Variants in SEPTIN11 observed in about 807,000 individuals in gnomAD.
SEPTIN11 encodes septin 11, also known as septin-11.
SEPTIN11 carries 25 observed loss-of-function variants against 51.4 expected under a neutral mutation model. The observed-to-expected ratio is 0.49, with a 90% CI of 0.35 to 0.68. The LOEUF (loss-of-function observed/expected upper bound fraction) is 0.68, where lower values mean the gene tolerates loss of function less well. Among genes scored for constraint, SEPTIN11 ranks in the 30% least tolerant of loss-of-function variants. The pLI is 0.00. For missense variants in SEPTIN11, 381 were observed against 520.8 expected, an observed-to-expected ratio of 0.73 and a Z score of 2.61; for synonymous variants, 174 against 184.1, an observed-to-expected ratio of 0.95 and a Z score of 0.44.
intron 1 of SEPTIN11, among the ~76,000 whole-genome samples, chr4:76,985,940 C>T (rs987798667): frequency 1.3e-5 from 2 of 152,240 alleles, no homozygotes; most frequent in East Asian, 1.9e-4. Context: ...GGGATGGAAA[C>T]CAGCTGGTAG....
chr4:77,000,337 C>T (rs113069927), intron 2 of SEPTIN11, among the ~76,000 whole-genome samples: 96 of 152,220 alleles, frequency 6.3e-4, no homozygotes, highest in African/African-American at 1.8e-3. Context: ...ATTTTTATCC[C>T]GTCTTGTTTT....
At position 77,028,628 on chromosome 4, in the gene SEPTIN11, G is replaced by T. The variant is rs1282401008; in HGVS notation, c.954-1G>T. The T allele has an allele frequency of 6.3e-7, 1 of 1,597,186 alleles. No homozygotes were observed. The highest frequency in any genetic ancestry group is 8.5e-7 in the Non-Finnish European group (1 of 1,174,062). ...GTCCTTCGTTTGTGGATTTTCAATA[G>T]TCTTCAGGAGACATATGAAGCAAAA... On this transcript the variant is annotated splice_acceptor_variant, in intron 7 of 9. Coordinates refer to ENST00000264893, the MANE Select transcript of SEPTIN11 (RefSeq NM_018243.4). LOFTEE classifies it high-confidence loss of function.
At chr4:77,034,023 T>C (rs896918991) in intron 9 of SEPTIN11, among the ~76,000 whole-genome samples, 1 of 152,252 alleles carries the variant, frequency 6.6e-6, no homozygotes, top group African/African-American at 2.4e-5. Context: ...ATTCACTATG[T>C]AATTTCAATC....
chr4:77,011,482 C>T (rs979015696), intron 3 of SEPTIN11, among the ~76,000 whole-genome samples: 5 of 141,278 alleles, frequency 3.5e-5, no homozygotes, highest in Admixed American at 1.6e-4. Context: ...GAGGGGCCAG[C>T]GTGAGCAAAG....
chr4:77,039,136 A>T, downstream of SEPTIN11: 1 of 1,288,282 alleles, frequency 7.8e-7, no homozygotes, highest in Non-Finnish European at 1.0e-6. Flanking sequence ...ATAGAGCATT[A>T]GAAGAGCAGG....
At chr4:76,956,204 C>T (rs930929309) in intron 1 of SEPTIN11, among the ~76,000 whole-genome samples, 11 of 152,138 alleles carry the variant, frequency 7.2e-5, no homozygotes, top group Non-Finnish European at 7.3e-5. Context: ...CTTCTGTGCA[C>T]GGGAAGCTTG....
intron 1 of SEPTIN11, among the ~76,000 whole-genome samples, chr4:76,990,902 G>A (rs1372867532): frequency 2.0e-5 from 3 of 152,212 alleles, no homozygotes; most frequent in African/African-American, 7.2e-5. Context: ...TGCTGATTCT[G>A]CAAACAGGAA....
At chr4:77,012,591 TA>T (rs1158473966) in intron 4 of SEPTIN11, among the ~76,000 whole-genome samples, 1 of 152,240 alleles carries the variant, frequency 6.6e-6, no homozygotes, top group Non-Finnish European at 1.5e-5. Flanking sequence ...TATTTACCGT[TA>T]GATTCAAAAC....
intron 4 of SEPTIN11, among the ~76,000 whole-genome samples, chr4:77,013,575 G>A (rs1176814867): frequency 6.6e-6 from 1 of 152,154 alleles, no homozygotes; most frequent in Admixed American, 6.5e-5. Context: ...TGTTCCTCTG[G>A]TCCTGATCCA....
chr4:76,984,363 C>T lies in SEPTIN11; in HGVS notation c.28-12062C>T, dbSNP rs1722918005. Reference sequence around the variant, plus strand: ...CTCACAGAGACTGCCATCACATGGCCATTACTGTAACTGAAAATCCCCTGC... The same window carrying T: ...CTCACAGAGACTGCCATCACATGGCTATTACTGTAACTGAAAATCCCCTGC... On this transcript the variant is annotated intron_variant, in intron 1 of 9. Transcript: ENST00000264893. This position sits in a 1 kb window ranked among gnomAD's most constrained non-coding sequence, Gnocchi z 4.1. Among the ~76,000 whole-genome samples, 1 of 151,826 alleles carries T rather than the reference C, an allele frequency of 6.6e-6. No homozygotes were observed. Among genetic ancestry groups the T allele is most frequent in the African/African-American group, 2.4e-5 (1 of 41,300 alleles).
chr4:77,016,602 A>ATC (rs1725259876), intron 5 of SEPTIN11, among the ~76,000 whole-genome samples: 2 of 54,910 alleles, frequency 3.6e-5, no homozygotes, highest in Non-Finnish European at 6.7e-5. Flanking sequence ...ACACACACAT[A>ATC]TATATATATA....
chr4:77,003,398 G>A (rs1455191634), intron 2 of SEPTIN11, among the ~76,000 whole-genome samples: 1 of 152,170 alleles, frequency 6.6e-6, no homozygotes, highest in East Asian at 1.9e-4. Context: ...GAGTCTGACT[G>A]GTATTATTCA....
At chr4:76,972,133 C>G (rs576629596) in intron 1 of SEPTIN11, among the ~76,000 whole-genome samples, 54 of 152,296 alleles carry the variant, frequency 3.5e-4, no homozygotes, top group African/African-American at 1.2e-3. Flanking sequence ...CCACTACCTG[C>G]CCCCCTACTG....
chr4:77,037,353 C>T lies in SEPTIN11; in HGVS notation c.*2841C>T. ...TTCCAACCTGGGTGATGAAGTGAGA[C>T]TCTCCAAAAAAAAAAAAGAAATTAT... On this transcript the variant is annotated 3_prime_UTR_variant, in exon 10 of 10. Transcript: ENST00000264893. 2.1e-6 allele frequency: 2 copies of T among 973,568 alleles called. No individual in the cohort carries two copies. Among genetic ancestry groups the T allele is most frequent in the Non-Finnish European group, 2.4e-6 (2 of 820,404 alleles). The allele number at this position is 973,568 out of a possible 1,614,324, so 60.3% of individuals were successfully genotyped here. A position where few individuals can be genotyped will look rare whatever the true frequency, so the allele number is the denominator to read the frequency against.
rs980340631 is a variant in SEPTIN11 at position 77,037,857 on chromosome 4, G to A, written c.*3345G>A. On this transcript the variant is annotated 3_prime_UTR_variant, in exon 10 of 10. Transcript: ENST00000264893. ...AATGGGAATTATTTAATGTAACAGT[G>A]GGCACAGATTACTTATCTTCCTTCT... 14 of 985,848 alleles carry A rather than the reference G, an allele frequency of 1.4e-5. No individual in the cohort carries two copies. In the African/African-American group the frequency reaches 2.3e-4, roughly 16 times the overall value. The allele number at this position is 985,848 out of a possible 1,614,324, so 61.1% of individuals were successfully genotyped here. A position where few individuals can be genotyped will look rare whatever the true frequency, so the allele number is the denominator to read the frequency against.
chr4:76,977,423 T>C (rs560787813), intron 1 of SEPTIN11, among the ~76,000 whole-genome samples: 12 of 152,208 alleles, frequency 7.9e-5, no homozygotes, highest in African/African-American at 2.9e-4. Context: ...CCTTCAGAAA[T>C]GGGGGTCTAA....
rs532816840 is a variant in SEPTIN11 at position 76,992,520 on chromosome 4, C to T, written c.28-3905C>T. ...GGGAAACCTTGGGCAAGTTACTAAA[C>T]GGTGCCTCTGTTTTCTCATCTGTAA... On this transcript the variant is annotated intron_variant, in intron 1 of 9. Transcript: ENST00000264893. 1.1e-4 allele frequency among the ~76,000 whole-genome samples: 17 copies of T among 152,274 alleles called. No homozygotes were observed. The East Asian group carries it at 1.4e-3, about 12-fold the overall frequency.
intron 1 of SEPTIN11, among the ~76,000 whole-genome samples, chr4:76,979,334 G>C (rs1391839257): frequency 6.6e-6 from 1 of 152,188 alleles, no homozygotes; most frequent in Non-Finnish European, 1.5e-5. Flanking sequence ...GTGGCATTTT[G>C]CCTGGAATTT....
chr4:77,002,639 GTA>G, intron 2 of SEPTIN11, among the ~76,000 whole-genome samples: 2 of 152,268 alleles, frequency 1.3e-5, no homozygotes, highest in South Asian at 2.1e-4. Context: ...TTTTATTTCT[GTA>G]TCCACTACAC....
Sources: gnomAD v4.1 joint callset for allele counts (sites outside exome capture counted in the v4.1 genomes callset) on GRCh38, gnomAD v4.1.1 for gene constraint, Gnocchi (gnomAD v3.1) non-coding constraint, MANE v1.5 for transcripts, NCBI Gene and HGNC (gene_info 2026-07-23, HGNC 2026-07-21) for gene names.